The following JAZF1 variants were observed in gnomAD, a reference collection of about 807,000 sequenced individuals.
JAZF1 encodes the protein juxtaposed with another zinc finger protein 1.
Under a neutral mutation model 26.4 loss-of-function variants are expected in JAZF1, and 8 were observed. The ratio of observed to expected loss-of-function variants is 0.30; its 90% CI spans 0.18 to 0.55. The LOEUF (loss-of-function observed/expected upper bound fraction) is 0.55. JAZF1 is among the 20% of genes least tolerant of loss of function. The pLI is 0.94. For missense variants in JAZF1, 199 were observed against 322.0 expected (o/e 0.62, Z 2.92); for synonymous variants, 126 against 122.3 (o/e 1.03, Z -0.20).
At chr7:27,846,698 CTGATGCTTAG>C (rs1282219567) in intron 3 of JAZF1, among the ~76,000 whole-genome samples, 1 of 152,168 alleles carries the variant, frequency 6.6e-6, no homozygotes, top group African/African-American at 2.4e-5. Flanking sequence ...TTGCATTTCT[CTGATGCTTAG>C]TGATGCGCAC....
At chr7:27,943,340 C>T (rs1283427812) in intron 2 of JAZF1, among the ~76,000 whole-genome samples, 2 of 152,084 alleles carry the variant, frequency 1.3e-5, no homozygotes, top group Admixed American at 6.5e-5. Context: ...GGCTCAGGGT[C>T]GTGGGAAACA....
At chr7:28,054,471 T>C (rs763825351) in intron 1 of JAZF1, among the ~76,000 whole-genome samples, 4 of 152,086 alleles carry the variant, frequency 2.6e-5, no homozygotes, top group Non-Finnish European at 5.9e-5. Context: ...AGAGGGAGAA[T>C]GGCAAAAAAC....
chr7:27,952,660 G>C (rs1296318371), intron 2 of JAZF1, among the ~76,000 whole-genome samples: 1 of 152,210 alleles, frequency 6.6e-6, no homozygotes, highest in East Asian at 1.9e-4. Context: ...AAAAGGGCCG[G>C]AGAAAACTGC....
chr7:28,146,480 G>A (rs1783029608), intron 1 of JAZF1, among the ~76,000 whole-genome samples: 1 of 152,186 alleles, frequency 6.6e-6, no homozygotes, highest in Non-Finnish European at 1.5e-5. Flanking sequence ...ATCTTATTAA[G>A]TACTGTAAGT....
chr7:27,945,433 CTCT>C (rs1471835827), intron 2 of JAZF1, among the ~76,000 whole-genome samples: 6 of 152,178 alleles, frequency 3.9e-5, no homozygotes, highest in African/African-American at 1.2e-4. Context: ...TCCTCTGCAC[CTCT>C]TCTTAACCCA....
chr7:28,054,798 CT>C (rs1783671792), intron 1 of JAZF1, among the ~76,000 whole-genome samples: 1 of 152,016 alleles, frequency 6.6e-6, no homozygotes, highest in Non-Finnish European at 1.5e-5. Context: ...TAGCAACTGG[CT>C]GCTCAGGAAG....
intron 2 of JAZF1, among the ~76,000 whole-genome samples, chr7:27,944,882 G>C (rs1433422364): frequency 6.6e-6 from 1 of 152,054 alleles, no homozygotes; most frequent in Admixed American, 6.5e-5. Context: ...TGGATCATTT[G>C]GCTTTGCAGG....
chr7:28,145,619 A>G lies in JAZF1; in HGVS notation c.115+34844T>C, dbSNP rs1045297894. On this transcript the variant is annotated intron_variant, in intron 1 of 4. Coordinates refer to ENST00000283928, the MANE Select transcript of JAZF1 (RefSeq NM_175061.4). Reference sequence around the variant, plus strand: ...AGCTTTCTCATATCACTTAACAGCTACTGAGAAACAATTTATATAAAATCA... The same window carrying G: ...AGCTTTCTCATATCACTTAACAGCTGCTGAGAAACAATTTATATAAAATCA... Among the ~76,000 whole-genome samples, 9 of 152,310 alleles carry G rather than the reference A, an allele frequency of 5.9e-5. 1 individual carries two copies. The highest frequency in any genetic ancestry group is 2.2e-4 in the African/African-American group (9 of 41,566).
chr7:28,025,369 T>C (rs1783077675), intron 1 of JAZF1, among the ~76,000 whole-genome samples: 1 of 152,202 alleles, frequency 6.6e-6, no homozygotes, highest in Non-Finnish European at 1.5e-5. Flanking sequence ...TACAGCAACA[T>C]CGTATCTAAA....
At chr7:28,119,548 C>T (rs991466027) in intron 1 of JAZF1, among the ~76,000 whole-genome samples, 1 of 152,044 alleles carries the variant, frequency 6.6e-6, no homozygotes. Flanking sequence ...TATTTCAGAC[C>T]CTCCCCATGA....
chr7:28,075,714 T>C (rs1784040908), intron 1 of JAZF1, among the ~76,000 whole-genome samples: 1 of 152,146 alleles, frequency 6.6e-6, no homozygotes, highest in Admixed American at 6.5e-5. Flanking sequence ...ACTTAAGCAC[T>C]CCCCATATTA....
intron 1 of JAZF1, among the ~76,000 whole-genome samples, chr7:28,012,284 C>T (rs1782811798): frequency 1.3e-5 from 2 of 152,180 alleles, no homozygotes; most frequent in Non-Finnish European, 2.9e-5. Flanking sequence ...TCATTGAAAA[C>T]AGGTCGCTTC....
At chr7:28,174,821 G>GGTGTGTGTGTGTGTGTGTGTGTGTGTGT (rs58952216) in intron 1 of JAZF1, among the ~76,000 whole-genome samples, 2 of 107,798 alleles carry the variant, frequency 1.9e-5, no homozygotes, top group African/African-American at 5.6e-5. Context: ...GGGGTGTGTG[G>GGTGTGTGTGTGTGTGTGTGTGTGTGTGT]GTGTGTGTGT....
intron 1 of JAZF1, among the ~76,000 whole-genome samples, chr7:28,047,887 G>T (rs906377727): frequency 6.6e-6 from 1 of 152,096 alleles, no homozygotes; most frequent in Admixed American, 6.6e-5. Flanking sequence ...AGATGGTTTC[G>T]TGTTTTCTTG....
chr7:27,918,216 A>G (rs1178715451), intron 2 of JAZF1, among the ~76,000 whole-genome samples: 1 of 152,208 alleles, frequency 6.6e-6, no homozygotes, highest in Non-Finnish European at 1.5e-5. Flanking sequence ...CCTAATACAA[A>G]GGATGTAAAA....
intron 1 of JAZF1, among the ~76,000 whole-genome samples, chr7:28,178,493 CAA>C (rs1318360342): frequency 2.6e-5 from 4 of 151,988 alleles, no homozygotes; most frequent in Non-Finnish European, 4.4e-5. Context: ...TTCTGTAAGT[CAA>C]GAGAAATTAT....
rs544009488 is a variant in JAZF1 at position 27,951,510 on chromosome 7, T to A, written c.188+40399A>T. On this transcript the variant is annotated intron_variant, in intron 2 of 4. Coordinates refer to ENST00000283928, the MANE Select transcript of JAZF1 (RefSeq NM_175061.4). ...TGGTTACTTTTCTGAAATGGTCATC[T>A]TTCCTGGGCGACCAGATTTGTTTTT... Among the ~76,000 whole-genome samples the A allele has an allele frequency of 2.0e-5, 3 of 152,324 alleles. No homozygotes were observed. In the East Asian group the frequency reaches 5.8e-4, roughly 29 times the overall value.
At chr7:27,972,769 G>A (rs997227424) in intron 2 of JAZF1, among the ~76,000 whole-genome samples, 1 of 151,768 alleles carries the variant, frequency 6.6e-6, no homozygotes, top group Non-Finnish European at 1.5e-5. Context: ...TAAAAAGAAC[G>A]ACTTAGATCT....
At chr7:27,980,119 CTTAAGTT>C (rs1031617644) in intron 2 of JAZF1, among the ~76,000 whole-genome samples, 1 of 152,168 alleles carries the variant, frequency 6.6e-6, no homozygotes, top group Non-Finnish European at 1.5e-5. Flanking sequence ...TCCTCTAATA[CTTAAGTT>C]TTAACTCTGA....
Sources: allele counts gnomAD v4.1 joint callset (sites outside exome capture counted in the v4.1 genomes callset), GRCh38; gene constraint gnomAD v4.1.1; transcripts MANE v1.5; gene names NCBI Gene and HGNC (gene_info 2026-07-23, HGNC 2026-07-21).